The following PDE8B variants were observed in gnomAD, a reference collection of about 807,000 sequenced individuals.
PDE8B encodes the protein phosphodiesterase 8B.
In PDE8B, 26 loss-of-function variants were observed where a neutral mutation model predicts 101.3. That is an observed-to-expected ratio of 0.26 (90% CI 0.19 to 0.36). PDE8B has a LOEUF of 0.36. Among genes scored for constraint, PDE8B ranks in the 10% least tolerant of loss-of-function variants. PDE8B has a pLI of 1.00. For missense variants in PDE8B, 810 were observed against 1,163.1 expected, an observed-to-expected ratio of 0.70 and a Z score of 4.42; for synonymous variants, 424 against 429.3, an observed-to-expected ratio of 0.99 and a Z score of 0.15.
chr5:77,108,617 A>G, the PDE8B span, among the ~76,000 whole-genome samples: 3 of 152,190 alleles, frequency 2.0e-5, no homozygotes, highest in Non-Finnish European at 4.4e-5. Context: ...CTGGAGGTGG[A>G]GGTTGCAGTG....
intron 7 of PDE8B, 136 bp downstream of exon 7, chr5:77,345,067 G>A (rs1779905930): frequency 2.8e-6 from 2 of 720,536 alleles, no homozygotes. Context: ...ATCAAGCTGT[G>A]CAAAGAATAC....
chr5:77,410,553 G>A (rs1794352392), intron 14 of PDE8B: 1 of 152,210 alleles, frequency 6.6e-6, no homozygotes, highest in African/African-American at 2.4e-5. Flanking sequence ...CCTCTCCAGA[G>A]AATGCTGTGA....
chr5:77,348,250 CAAA>C (rs1322690839), intron 7 of PDE8B, among the ~76,000 whole-genome samples: 3 of 152,122 alleles, frequency 2.0e-5, no homozygotes, highest in Non-Finnish European at 4.4e-5. Flanking sequence ...AATTTAAGCC[CAAA>C]GAAATTCATG....
chr5:77,339,052 A>G (rs1778701530), intron 6 of PDE8B, among the ~76,000 whole-genome samples: 1 of 152,228 alleles, frequency 6.6e-6, no homozygotes, highest in African/African-American at 2.4e-5. Flanking sequence ...TGAAATAAAT[A>G]TCCCCAGCCA....
At chr5:77,309,904 G>A (rs188027566) in intron 1 of PDE8B, among the ~76,000 whole-genome samples, 1 of 142,954 alleles carries the variant, frequency 7.0e-6, no homozygotes, top group East Asian at 2.2e-4. Context: ...ACAGGCATGA[G>A]CCACCATGCC....
chr5:77,377,338 C>T (rs372438754), intron 10 of PDE8B, among the ~76,000 whole-genome samples: 4 of 152,292 alleles, frequency 2.6e-5, no homozygotes, highest in East Asian at 3.9e-4. Context: ...AGGATGGCAC[C>T]GGACCTGCAG....
chr5:77,360,090 C>CAA (rs200573688), intron 10 of PDE8B, among the ~76,000 whole-genome samples: 6 of 82,126 alleles, frequency 7.3e-5, no homozygotes, highest in African/African-American at 2.1e-4. Flanking sequence ...GACTTCATCG[C>CAA]AAAAAAAAAA....
chr5:77,412,110 G>C lies in PDE8B; in HGVS notation c.1587G>C (p.Gln529His). The C allele has an allele frequency of 6.2e-7, 1 of 1,614,068 alleles. No individual in the cohort carries two copies. Reference sequence around the variant, plus strand: ...CATCTGTTTGCTCAGATGTGCACCAGAGTCACAGTCACCTTGCAATGCCAA... The same window carrying C: ...CATCTGTTTGCTCAGATGTGCACCACAGTCACAGTCACCTTGCAATGCCAA... ...NEYVFTKNVH[Q>H]SHSHLAMPIT... Residue 529 changes from glutamine (Q) to histidine (H), a missense_variant, in exon 16 of 22, where the codon CAG becomes CAC. Physicochemically the swap from Gln to His is conservative, Grantham distance 24. Coordinates refer to ENST00000264917, the MANE Select transcript of PDE8B (RefSeq NM_003719.5).
At chr5:77,097,688 TATATC>T in the PDE8B span, among the ~76,000 whole-genome samples, 2 of 27,712 alleles carry the variant, frequency 7.2e-5, no homozygotes, top group African/African-American at 1.3e-4. Flanking sequence ...GGAGATTTTA[TATATC>T]TATATATATA....
At chr5:77,375,948 A>G (rs7714995) in intron 10 of PDE8B, among the ~76,000 whole-genome samples, 7,057 of 128,612 alleles carry the variant, frequency 0.055, 243 homozygotes, top group African/African-American at 0.12. Flanking sequence ...GCTGGAGTGC[A>G]GTGGTGCAGT....
the PDE8B span, chr5:77,140,709 G>A: frequency 3.9e-5 from 6 of 152,214 alleles, no homozygotes; most frequent in Non-Finnish European, 5.9e-5. Context: ...GGCTGGATAA[G>A]AGAACCACAA....
intron 10 of PDE8B, among the ~76,000 whole-genome samples, chr5:77,374,494 A>G (rs1331922990): frequency 1.3e-5 from 2 of 151,802 alleles, no homozygotes; most frequent in African/African-American, 4.8e-5. Flanking sequence ...TTATTTATCC[A>G]TTGGTTTTTT....
intron 10 of PDE8B, among the ~76,000 whole-genome samples, chr5:77,397,926 C>T (rs1791421261): frequency 6.6e-6 from 1 of 151,966 alleles, no homozygotes; most frequent in Admixed American, 6.6e-5. Flanking sequence ...CCTCCCCACA[C>T]ACTAACCAGA....
the PDE8B span, among the ~76,000 whole-genome samples, chr5:77,150,399 A>G: frequency 4.6e-5 from 7 of 152,040 alleles, no homozygotes; most frequent in Middle Eastern, 3.4e-3. Flanking sequence ...TACAACTGTA[A>G]CCCACTCATT....
At chr5:77,288,115 G>A (rs540649622) in intron 1 of PDE8B, among the ~76,000 whole-genome samples, 15 of 152,214 alleles carry the variant, frequency 9.9e-5, no homozygotes, top group Non-Finnish European at 1.8e-4. Context: ...ATAACTCAGT[G>A]ACTGAGATGA....
At chr5:77,190,577 A>T in the PDE8B span, among the ~76,000 whole-genome samples, 1 of 152,226 alleles carries the variant, frequency 6.6e-6, no homozygotes, top group Admixed American at 6.5e-5. Flanking sequence ...CAATTGCTTC[A>T]CTGAAATCTG....
At chr5:77,219,168 AC>A (rs1750512864) in intron 1 of PDE8B, among the ~76,000 whole-genome samples, 1 of 152,068 alleles carries the variant, frequency 6.6e-6, no homozygotes, top group South Asian at 2.1e-4. Context: ...TTTGGTATAA[AC>A]TTGTAGCCTG....
the PDE8B span, among the ~76,000 whole-genome samples, chr5:77,154,275 T>G: frequency 6.6e-6 from 1 of 152,244 alleles, no homozygotes; most frequent in Non-Finnish European, 1.5e-5. Flanking sequence ...TCTGAAATGC[T>G]ATCAGATATT....
chr5:77,344,161 A>G (rs1779735053), intron 6 of PDE8B, among the ~76,000 whole-genome samples: 1 of 152,266 alleles, frequency 6.6e-6, no homozygotes, highest in Non-Finnish European at 1.5e-5. Context: ...TAAATAGTAT[A>G]GCAAATACAT....
Sources: allele counts gnomAD v4.1 joint callset (sites outside exome capture counted in the v4.1 genomes callset), GRCh38; gene constraint gnomAD v4.1.1; transcripts MANE v1.5; gene names NCBI Gene and HGNC (gene_info 2026-07-23, HGNC 2026-07-21).